Variants in STX6 observed in about 807,000 individuals in gnomAD.
The protein encoded by STX6 is syntaxin 6.
A neutral mutation model predicts 38.0 loss-of-function variants in STX6; 23 were observed. That is an observed-to-expected ratio of 0.60 (90% CI 0.43 to 0.86). The LOEUF (loss-of-function observed/expected upper bound fraction) is 0.86. Among genes scored for constraint, STX6 ranks in the 40% least tolerant of loss-of-function variants. The pLI is 0.00. For synonymous variants in STX6, 123 were observed against 107.5 expected, an observed-to-expected ratio of 1.14 and a Z score of -0.89; for missense variants, 274 against 312.9, an observed-to-expected ratio of 0.88 and a Z score of 0.94.
chr1:180,977,282 G>C (rs967353721), intron 7 of STX6, among the ~76,000 whole-genome samples: 2 of 152,204 alleles, frequency 1.3e-5, no homozygotes, highest in Non-Finnish European at 2.9e-5. Context: ...CAACAATTTG[G>C]AACAGCAGGC....
intron 4 of STX6, among the ~76,000 whole-genome samples, chr1:180,990,420 A>G (rs983546733): frequency 6.6e-6 from 1 of 152,182 alleles, no homozygotes; most frequent in Non-Finnish European, 1.5e-5. Context: ...AAAGCATTCA[A>G]TCTCTTGTAA....
intron 1 of STX6, among the ~76,000 whole-genome samples, chr1:181,007,848 TAAC>T (rs1481894254): frequency 6.6e-6 from 1 of 152,226 alleles, no homozygotes; most frequent in African/African-American, 2.4e-5. Context: ...GCTTACATGT[TAAC>T]AATGTTTTTA....
At chr1:180,988,656 AGATGACCATTGAGACATGGG>A (rs1338769770) in intron 5 of STX6, 3 of 259,798 alleles carry the variant, frequency 1.2e-5, no homozygotes, top group African/African-American at 2.3e-5. Context: ...GCACACGTGC[AGATGACCATTGAGACATGGG>A]GATGTTTGGG....
At chr1:181,022,537 C>T (rs1033302408) in intron 1 of STX6, 102 bp downstream of exon 1, 6 of 1,251,768 alleles carry the variant, frequency 4.8e-6, no homozygotes, top group Non-Finnish European at 6.8e-6. Flanking sequence ...CCCTCCCCAG[C>T]TCCAACTTGC....
At chr1:180,985,882 T>C (rs1352743700) in intron 6 of STX6, among the ~76,000 whole-genome samples, 2 of 152,246 alleles carry the variant, frequency 1.3e-5, no homozygotes, top group Non-Finnish European at 2.9e-5. Flanking sequence ...AATAGACACC[T>C]GACAGCCTTG....
chr1:181,013,791 T>A (rs80200754), intron 1 of STX6, among the ~76,000 whole-genome samples: 1 of 152,190 alleles, frequency 6.6e-6, no homozygotes, highest in Admixed American at 6.5e-5. Flanking sequence ...GCTGAAAATA[T>A]TAAACAGGCT....
rs1299830023 is a variant in STX6 at position 180,976,641 on chromosome 1, G to A, written c.697C>T (p.Arg233Cys). Residue 233 changes from arginine (R) to cysteine (C), a missense_variant, in exon 8 of 8, where the codon CGC becomes TGC. Physicochemically the swap from Arg to Cys is radical, Grantham distance 180 (BLOSUM62 -3). Transcript: ENST00000258301. Reference protein sequence around the residue: ...AKVSHMTSDRRQWCAIAILFA... With the variant: ...AKVSHMTSDRCQWCAIAILFA... ...AGGATGGCTATGGCACACCATTGGC[G>A]CCGATCTGGAAGGCAGGACATGGGG... 6 of 1,613,350 alleles carry A rather than the reference G, an allele frequency of 3.7e-6. No individual in the cohort carries two copies. Among genetic ancestry groups the A allele is most frequent in the Admixed American group, 1.7e-5 (1 of 60,024 alleles).
In STX6 at chr1:180,972,755, C is replaced by T. The variant is rs1655154976; in HGVS notation, c.*3815G>A. 3 of 395,270 alleles carry T rather than the reference C, an allele frequency of 7.6e-6. No homozygotes were observed. Among genetic ancestry groups the T allele is most frequent in the South Asian group, 3.8e-5 (2 of 52,454 alleles). The allele number at this position is 395,270 out of a possible 1,614,324, so 24.5% of individuals were successfully genotyped here. On this transcript the variant is annotated 3_prime_UTR_variant, in exon 8 of 8. Coordinates refer to ENST00000258301, the MANE Select transcript of STX6 (RefSeq NM_005819.6). ...TTCAGGTTGTTTTATTTTCCTTTTC[C>T]GGAGACTTTTGTACATACTGTTGTC...
At chr1:181,002,468 T>C (rs1235599160) in intron 3 of STX6, 138 bp downstream of exon 3, 1 of 567,350 alleles carries the variant, frequency 1.8e-6, no homozygotes. Context: ...AGAGAAATTA[T>C]ATATGGGGAA....
intron 1 of STX6, among the ~76,000 whole-genome samples, chr1:181,011,047 GA>G (rs971879968): frequency 6.6e-6 from 1 of 152,180 alleles, no homozygotes; most frequent in African/African-American, 2.4e-5. Flanking sequence ...GCAGGAATTA[GA>G]AAAATGCTAC....
At chr1:181,020,725 T>G (rs1448927204) in intron 1 of STX6, among the ~76,000 whole-genome samples, 10 of 152,250 alleles carry the variant, frequency 6.6e-5, no homozygotes, top group Admixed American at 5.2e-4. Flanking sequence ...CTGAGGCACT[T>G]ATCTGTAGCA....
intron 2 of STX6, among the ~76,000 whole-genome samples, chr1:181,003,760 G>A (rs898047744): frequency 1.3e-5 from 2 of 152,118 alleles, no homozygotes; most frequent in African/African-American, 2.4e-5. Context: ...TAAAGTTTTG[G>A]TTAAGTGGGA....
At chr1:181,015,213 C>T (rs1656522147) in intron 1 of STX6, among the ~76,000 whole-genome samples, 1 of 152,230 alleles carries the variant, frequency 6.6e-6, no homozygotes, top group Admixed American at 6.5e-5. Context: ...CCCCACTATA[C>T]TTCCAACCCT....
chr1:180,973,254 A>C lies in STX6; in HGVS notation c.*3316T>G. Reference sequence around the variant, plus strand: ...GCAGTACAAGGTGAAGCCAAATGGTACAAAGTCCACAGAATTGAAAAGCCA... The same window carrying C: ...GCAGTACAAGGTGAAGCCAAATGGTCCAAAGTCCACAGAATTGAAAAGCCA... On this transcript the variant is annotated 3_prime_UTR_variant, in exon 8 of 8. Transcript: ENST00000258301. 6.6e-6 allele frequency: 1 copy of C among 152,208 alleles called. No homozygotes were observed. Among genetic ancestry groups the C allele is most frequent in the East Asian group, 1.9e-4 (1 of 5,204 alleles). 9.4% of individuals were successfully genotyped at this position (152,208 alleles called of 1,614,324 possible).
chr1:181,014,449 G>A (rs1368939728), intron 1 of STX6, among the ~76,000 whole-genome samples: 1 of 151,574 alleles, frequency 6.6e-6, no homozygotes, highest in Admixed American at 6.6e-5. Context: ...AACATTTATT[G>A]GTGCAGCCAT....
chr1:180,993,148 GA>G, intron 4 of STX6, among the ~76,000 whole-genome samples: 1 of 152,144 alleles, frequency 6.6e-6, no homozygotes. Flanking sequence ...GCCCAGAGAA[GA>G]AGACCAGAGG....
chr1:181,002,022 T>C (rs780674052), intron 3 of STX6, among the ~76,000 whole-genome samples: 8 of 152,066 alleles, frequency 5.3e-5, no homozygotes, highest in Admixed American at 1.3e-4. Context: ...TACAAAAAAT[T>C]AGCCTGGTGT....
At chr1:180,982,215 T>C in intron 7 of STX6, among the ~76,000 whole-genome samples, 1 of 152,222 alleles carries the variant, frequency 6.6e-6, no homozygotes, top group East Asian at 1.9e-4. Flanking sequence ...TTCCTTTATG[T>C]ACAGGTTTGA....
At chr1:181,013,214 A>G (rs1470452201) in intron 1 of STX6, among the ~76,000 whole-genome samples, 3 of 152,168 alleles carry the variant, frequency 2.0e-5, no homozygotes, top group African/African-American at 4.8e-5. Flanking sequence ...TTTGCCAAGT[A>G]AAATGAGAAG....
Sources: allele counts gnomAD v4.1 joint callset (sites outside exome capture counted in the v4.1 genomes callset), GRCh38; gene constraint gnomAD v4.1.1; transcripts MANE v1.5; gene names NCBI Gene and HGNC (gene_info 2026-07-23, HGNC 2026-07-21).